The following MYO1F variants were observed in gnomAD, a reference collection of about 807,000 sequenced individuals.
MYO1F encodes the protein myosin IF, also known as unconventional myosin-If.
Under a neutral mutation model 146.6 loss-of-function variants are expected in MYO1F, and 60 were observed. The ratio of observed to expected loss-of-function variants is 0.41; its 90% confidence interval spans 0.33 to 0.51. The LOEUF (loss-of-function observed/expected upper bound fraction) is 0.51. MYO1F is among the 20% of genes least tolerant of loss of function. MYO1F has a pLI of 0.25. For missense variants in MYO1F, 1,274 were observed against 1,534.3 expected, an observed-to-expected ratio of 0.83 and a Z score of 2.83; for synonymous variants, 602 against 602.1, an observed-to-expected ratio of 1.00 and a Z score of 0.00.
chr19:8,555,738 T>A lies in MYO1F; in HGVS notation c.62A>T (p.Asp21Val). ...SHNVKQSGVD[D>V]MVLLPQITED... Reference sequence around the variant, plus strand: ...GGTGATCTGGGGAAGAAGCACCATGTCATCCACGCCGCTCTGCTTCACGTT... The same window carrying A: ...GGTGATCTGGGGAAGAAGCACCATGACATCCACGCCGCTCTGCTTCACGTT... The change falls in exon 2 of 28, where the codon GAC becomes GTC. Residue 21 changes from aspartate to valine, a missense_variant. Asp to Val is a radical substitution (Grantham distance 152). Coordinates refer to ENST00000644032, the MANE Select transcript of MYO1F (RefSeq NM_012335.4). 1 of 1,614,146 alleles carries A rather than the reference T, an allele frequency of 6.2e-7. No homozygotes were observed. Among genetic ancestry groups the A allele is most frequent in the Non-Finnish European group, 8.5e-7 (1 of 1,180,024 alleles).
At position 8,553,175 on chromosome 19, in the gene MYO1F, G is replaced by A. The variant is rs35506435; in HGVS notation, c.468C>T (p.Asn156=). 2.3e-4 allele frequency: 374 copies of A among 1,614,196 alleles called. 2 individuals are homozygous for A. In the African/African-American group the frequency reaches 4.5e-3, roughly 19 times the overall value. ...AATTGTTGTTGCGCACAGTCTTGGC[G>A]TTGCCGAAGGCCTCGAGCAGCGGGT... ...QSNPLLEAFG[N]AKTVRNNNSS... is the part of the protein sequence containing the mutation. Residue 156 remains asparagine (N), a synonymous_variant, in exon 6 of 28, where the codon AAC becomes AAT. Coordinates refer to ENST00000644032, the MANE Select transcript of MYO1F (RefSeq NM_012335.4).
intron 8 of MYO1F, 91 bp from the exon 9 acceptor site, chr19:8,550,785 A>G (rs1348444452): frequency 5.1e-6 from 8 of 1,575,686 alleles, no homozygotes; most frequent in Non-Finnish European, 6.9e-6. Context: ...GCACGGACTC[A>G]GGGAGTGAGC....
intron 14 of MYO1F, among the ~76,000 whole-genome samples, chr19:8,542,988 C>T (rs977392989): frequency 3.9e-5 from 6 of 152,144 alleles, no homozygotes; most frequent in African/African-American, 9.7e-5. Context: ...ACTGCAACCT[C>T]CACCTCTTGG....
At chr19:8,565,372 G>A (rs184040351) in intron 1 of MYO1F, among the ~76,000 whole-genome samples, 12 of 151,544 alleles carry the variant, frequency 7.9e-5, no homozygotes, top group African/African-American at 2.4e-4. Flanking sequence ...GGGAAACCCC[G>A]TCTCCACTAA....
rs372927680 is a variant in MYO1F, at chr19:8,522,496, C to G, written c.3101G>C (p.Arg1034Pro). 9 of 1,613,676 alleles carry G rather than the reference C, an allele frequency of 5.6e-6. No homozygotes were observed. In the African/African-American group the frequency reaches 1.2e-4, roughly 22 times the overall value. Residue 1034 changes from arginine (R) to proline (P), a missense_variant, in exon 27 of 28, where the codon CGA (arginine) becomes CCA (proline). This residue lies in a region of MYO1F where 374 missense variants were observed against 379.2 expected (regional missense o/e 0.99). Transcript: ENST00000644032. ...VGQRPVPGVG[R>P]PKPQPRTHGP... ...ATGTGTCCGAGGCTGGGGCTTGGGT[C>G]GGCCCACACCAGGCACTGGCCGTTG...
In MYO1F at chr19:8,577,176, C is replaced by T; in HGVS notation, c.3+131G>A. 1 of 1,110,784 alleles carries T rather than the reference C, an allele frequency of 9.0e-7. No homozygotes were observed. Among genetic ancestry groups the T allele is most frequent in the Non-Finnish European group, 1.3e-6 (1 of 747,754 alleles). The allele number at this position is 1,110,784 out of a possible 1,614,324, so 68.8% of individuals were successfully genotyped here. On this transcript the variant is annotated intron_variant, in intron 1 of 27. Transcript: ENST00000644032. The surrounding 1 kb of genome is among the most constrained non-coding windows in gnomAD (Gnocchi z 4.3). ...GAGGCACCTGAGCTGCACTGAGAGA[C>T]ACCCCACCCCCACAGAAGTCCACCA...
Position 8,565,717 on chromosome 19 carries a change from C to T in MYO1F, c.4-9921G>A, listed in dbSNP as rs868381610. On this transcript the variant is annotated intron_variant, in intron 1 of 27. Coordinates refer to ENST00000644032, the MANE Select transcript of MYO1F (RefSeq NM_012335.4). ...ACAGCTGTGTCAGTGGGTGGGGACACGGGAAGTGCATTTTGTCTCTGAAGA... is the reference window on the plus strand; with the variant it reads ...ACAGCTGTGTCAGTGGGTGGGGACATGGGAAGTGCATTTTGTCTCTGAAGA... 5.9e-5 allele frequency among the ~76,000 whole-genome samples: 9 copies of T among 151,544 alleles called. No individual in the cohort carries two copies. In the East Asian group the frequency reaches 1.5e-3, roughly 26 times the overall value.
In MYO1F at chr19:8,522,622, C is replaced by T. The variant is rs765311016; in HGVS notation, c.3050+12G>A. Reference sequence around the variant, plus strand: ...TGCCCACCTCCTGGAGCTGCCCTCCCACCCCACCTACCCGGCCATGCCCTG... The same window carrying T: ...TGCCCACCTCCTGGAGCTGCCCTCCTACCCCACCTACCCGGCCATGCCCTG... On this transcript the variant is annotated intron_variant, in intron 26 of 27. Coordinates refer to ENST00000644032, the MANE Select transcript of MYO1F (RefSeq NM_012335.4). 5 of 1,612,410 alleles carry T rather than the reference C, an allele frequency of 3.1e-6. No homozygotes were observed. The highest frequency in any genetic ancestry group is 3.4e-6 in the Non-Finnish European group (4 of 1,179,420).
rs768454871 is a variant in MYO1F, at chr19:8,554,695, G to T, written c.190C>A (p.Pro64Thr). 6.2e-7 allele frequency: 1 copy of T among 1,613,902 alleles called. No individual in the cohort carries two copies. The highest frequency in any genetic ancestry group is 1.7e-5 in the Admixed American group (1 of 59,958). ...LISVNPFKQM[P>T]YFTDREIDLY... ...TCGATCTCACGGTCGGTGAAGTAGGGCATCTGCTTGAAGGGGTTTACAGAG... is the reference window on the plus strand; with the variant it reads ...TCGATCTCACGGTCGGTGAAGTAGGTCATCTGCTTGAAGGGGTTTACAGAG... Residue 64 changes from proline (P) to threonine (T), a missense_variant, in exon 3 of 28, where the codon CCC (proline) becomes ACC (threonine). Physicochemically the swap from Pro to Thr is conservative, Grantham distance 38 (BLOSUM62 -1). This residue lies in a region of MYO1F where 900 missense variants were observed against 1,155.1 expected (regional missense o/e 0.78). Coordinates refer to ENST00000644032, the MANE Select transcript of MYO1F (RefSeq NM_012335.4).
chr19:8,525,447 A>G lies in MYO1F; in HGVS notation c.2854+32T>C, dbSNP rs1972224682. On this transcript the variant is annotated intron_variant, in intron 25 of 27. Coordinates refer to ENST00000644032, the MANE Select transcript of MYO1F (RefSeq NM_012335.4). ...TTAGGCCATGGGACCCACAACAGAC[A>G]AGGGAATATAGCAAGGGACGCAGCT... 3 of 1,591,872 alleles carry G rather than the reference A, an allele frequency of 1.9e-6. No homozygotes were observed. The Admixed American group carries it at 5.0e-5, about 27-fold the overall frequency.
intron 1 of MYO1F, among the ~76,000 whole-genome samples, chr19:8,557,098 C>CT (rs1435903269): frequency 2.0e-5 from 3 of 151,916 alleles, no homozygotes; most frequent in African/African-American, 7.2e-5. Context: ...CCAGCCTGGG[C>CT]AACATAGTGA....
chr19:8,570,109 G>T (rs1555731451), intron 1 of MYO1F, among the ~76,000 whole-genome samples: 1 of 151,096 alleles, frequency 6.6e-6, no homozygotes, highest in African/African-American at 2.4e-5. Flanking sequence ...GTCTTGCTCT[G>T]TTGTTCAGGC....
chr19:8,522,875 G>A, intron 25 of MYO1F, 46 bp from the exon 26 acceptor site: 1 of 1,496,638 alleles, frequency 6.7e-7, no homozygotes, highest in Non-Finnish European at 9.0e-7. Flanking sequence ...GTGATGCTAG[G>A]AGGATTTGAG....
chr19:8,554,836 A>C, intron 2 of MYO1F, 93 bp from the exon 3 acceptor site: 1 of 1,176,782 alleles, frequency 8.5e-7, no homozygotes, highest in Non-Finnish European at 1.3e-6. Context: ...CTAAAACTCC[A>C]TTGCTTGGAG....
chr19:8,529,336 C>T (rs191366039), intron 21 of MYO1F, among the ~76,000 whole-genome samples: 21 of 152,116 alleles, frequency 1.4e-4, no homozygotes, highest in East Asian at 3.9e-4. Flanking sequence ...GTACAGGTGA[C>T]GGTAAACAGG....
At chr19:8,555,570 T>TC (rs1973813808) in intron 2 of MYO1F, 89 bp downstream of exon 2, 1 of 1,576,140 alleles carries the variant, frequency 6.3e-7, no homozygotes, top group Non-Finnish European at 8.7e-7. Context: ...GGCCCATTCC[T>TC]CCCTCTGCTC....
At chr19:8,555,560 G>C (rs1279056609) in intron 2 of MYO1F, 99 bp downstream of exon 2, 3 of 1,542,576 alleles carry the variant, frequency 1.9e-6, no homozygotes, top group East Asian at 2.3e-5. Flanking sequence ...GTGCTCTCCC[G>C]GCCCATTCCT....
intron 25 of MYO1F, among the ~76,000 whole-genome samples, chr19:8,524,113 C>G (rs111609261): frequency 1.9e-5 from 2 of 103,514 alleles, no homozygotes; most frequent in Non-Finnish European, 3.6e-5. Context: ...AGCAAGACAC[C>G]GTCTCAAAAA....
Position 8,530,612 on chromosome 19 carries a change from G to GAGACACCAGGAC in MYO1F, c.2044-40_2044-39insGTCCTGGTGTCT. On this transcript the variant is annotated intron_variant, in intron 19 of 27. Transcript: ENST00000644032. The surrounding 1 kb of genome is among the most constrained non-coding windows in gnomAD (Gnocchi z 5.8). ...GTGGGGGGCAAGGGTGAGTCCTGGTGTCTCCCCAGGGGCTGCAGTTCCGGG... is the reference window on the plus strand; with the variant it reads ...GTGGGGGGCAAGGGTGAGTCCTGGTGAGACACCAGGACTCTCCCCAGGGGCTGCAGTTCCGGG... 2 of 1,500,070 alleles carry GAGACACCAGGAC rather than the reference G, an allele frequency of 1.3e-6. No homozygotes were observed. Among genetic ancestry groups the GAGACACCAGGAC allele is most frequent in the Non-Finnish European group, 9.2e-7 (1 of 1,085,812 alleles). 92.9% of individuals were successfully genotyped at this position (1,500,070 alleles called of 1,614,324 possible). A position where few individuals can be genotyped will look rare whatever the true frequency, so the allele number is the denominator to read the frequency against.
Sources: allele counts gnomAD v4.1 joint callset (sites outside exome capture counted in the v4.1 genomes callset), GRCh38; gene constraint gnomAD v4.1.1; regional missense constraint gnomAD v4.1.1; non-coding constraint Gnocchi (gnomAD v3.1); transcripts MANE v1.5; gene names NCBI Gene and HGNC (gene_info 2026-07-23, HGNC 2026-07-21).